RNF166: variants seen among roughly 807,000 people sequenced by gnomAD.
RNF166 encodes ring finger protein 166, also known as E3 ubiquitin-protein ligase RNF166.
A neutral mutation model predicts 29.4 loss-of-function variants in RNF166; 19 were observed. The ratio of observed to expected loss-of-function variants is 0.65; its 90% CI spans 0.45 to 0.95. The LOEUF (loss-of-function observed/expected upper bound fraction) is 0.95, where lower values mean the gene tolerates loss of function less well. Among genes scored for constraint, RNF166 ranks in the 40% least tolerant of loss-of-function variants. The probability of loss-of-function intolerance (pLI) is 0.00; values close to 1 mark genes in which losing one functional copy is unlikely to be tolerated. For synonymous variants in RNF166, 171 were observed against 134.5 expected (o/e 1.27, Z -1.88); for missense variants, 347 against 322.1 (o/e 1.08, Z -0.59).
chr16:88,699,437 G>A (rs930355121), intron 3 of RNF166, among the ~76,000 whole-genome samples, 183 bp downstream of exon 3: 1 of 152,256 alleles, frequency 6.6e-6, no homozygotes, highest in Non-Finnish European at 1.5e-5. Context: ...GGGGCCTGGT[G>A]GGTATGCCAG....
intron 1 of RNF166, chr16:88,703,337 G>A (rs531432851): frequency 6.1e-6 from 6 of 985,376 alleles, no homozygotes; most frequent in African/African-American, 5.2e-5. Flanking sequence ...CCAGGCCGGG[G>A]CTCGGCTGCA....
Position 88,698,065 on chromosome 16 carries a change from G to T in RNF166, c.649-432C>A. On this transcript the variant is annotated intron_variant, in intron 5 of 5. Coordinates refer to ENST00000312838, the MANE Select transcript of RNF166 (RefSeq NM_178841.4). ...GGCGGCGCAGGGAGGGGCCGCACCAGGAGTGAGGAGTTTGTGCGAGGGTCT... is the reference window on the plus strand; with the variant it reads ...GGCGGCGCAGGGAGGGGCCGCACCATGAGTGAGGAGTTTGTGCGAGGGTCT... 3 of 563,330 alleles carry T rather than the reference G, an allele frequency of 5.3e-6. No individual in the cohort carries two copies. In the South Asian group the frequency reaches 6.3e-5, roughly 12 times the overall value. The allele number at this position is 563,330 out of a possible 1,614,324, so 34.9% of individuals were successfully genotyped here.
intron 3 of RNF166, among the ~76,000 whole-genome samples, chr16:88,699,303 G>C (rs937707438): frequency 6.6e-6 from 1 of 152,266 alleles, no homozygotes; most frequent in African/African-American, 2.4e-5. Flanking sequence ...CCAAACGGCA[G>C]AGACTCTGCT....
chr16:88,703,842 T>G, intron 1 of RNF166: 1 of 985,438 alleles, frequency 1.0e-6, no homozygotes, highest in Non-Finnish European at 1.2e-6. Context: ...GGACGGCCCG[T>G]GCCTCAGGGA....
chr16:88,698,121 C>T, intron 5 of RNF166: 1 of 589,258 alleles, frequency 1.7e-6, no homozygotes, highest in Non-Finnish European at 3.0e-6. Flanking sequence ...TGTGCCTGAC[C>T]CGCGGCGGGT....
chr16:88,703,513 C>A (rs1185346119), intron 1 of RNF166: 24 of 985,294 alleles, frequency 2.4e-5, no homozygotes, highest in Non-Finnish European at 2.9e-5. Flanking sequence ...GGCGGCTGGG[C>A]CCGAGGAGCA....
intron 2 of RNF166, chr16:88,700,532 C>T (rs11649140): frequency 0.21 from 187,830 of 913,696 alleles, 19,709 homozygotes; most frequent in Middle Eastern, 0.28. Flanking sequence ...GACAAACCAC[C>T]GAGGGGCCAC....
intron 1 of RNF166, among the ~76,000 whole-genome samples, chr16:88,705,013 A>G (rs1910634065): frequency 6.6e-6 from 1 of 152,194 alleles, no homozygotes; most frequent in Admixed American, 6.5e-5. Flanking sequence ...TCCCGTTCAG[A>G]GGCTGCCCCC....
intron 4 of RNF166, 117 bp from the exon 5 acceptor site, chr16:88,698,726 C>G (rs1393478298): frequency 5.0e-6 from 4 of 794,506 alleles, no homozygotes; most frequent in Non-Finnish European, 7.9e-6. Context: ...GGAAGGCACC[C>G]CAGACCTGGA....
At chr16:88,700,085 G>C (rs1166380597) in intron 2 of RNF166, 3 of 174,952 alleles carry the variant, frequency 1.7e-5, no homozygotes, top group African/African-American at 4.8e-5. Flanking sequence ...CCCCAGGCTG[G>C]GGACAGACGC....
chr16:88,705,992 C>T (rs939633123), intron 1 of RNF166, among the ~76,000 whole-genome samples, 179 bp downstream of exon 1: 1 of 151,988 alleles, frequency 6.6e-6, no homozygotes, highest in African/African-American at 2.4e-5. Context: ...GATGAACGCG[C>T]CCAGAGGGCA....
At position 88,698,327 on chromosome 16, in the gene RNF166, AC is replaced by A. The variant is rs1174137195; in HGVS notation, c.648+174del. ...TGGCCACTCAAACTCAGCTGCCATC[AC>A]TCCCCACCTGCAGGCAGCCCCCACA... On this transcript the variant is annotated intron_variant, in intron 5 of 5. Coordinates refer to ENST00000312838, the MANE Select transcript of RNF166 (RefSeq NM_178841.4). 4.2e-6 allele frequency: 3 copies of A among 711,960 alleles called. No individual in the cohort carries two copies. The African/African-American group carries it at 5.3e-5, about 12-fold the overall frequency. 44.1% of individuals were successfully genotyped at this position (711,960 alleles called of 1,614,324 possible). A position where few individuals can be genotyped will look rare whatever the true frequency, so the allele number is the denominator to read the frequency against.
intron 1 of RNF166, chr16:88,703,928 C>T: frequency 1.0e-6 from 1 of 985,468 alleles, no homozygotes; most frequent in Non-Finnish European, 1.2e-6. Flanking sequence ...CTCACACAGC[C>T]CTTCCAGGCA....
chr16:88,703,063 A>G (rs1339721605), intron 1 of RNF166: 6 of 985,528 alleles, frequency 6.1e-6, no homozygotes, highest in Non-Finnish European at 6.0e-6. Flanking sequence ...CCCACCACGC[A>G]CCGGAAGGCC....
intron 5 of RNF166, 121 bp from the exon 6 acceptor site, chr16:88,697,754 G>A: frequency 2.8e-6 from 2 of 725,356 alleles, no homozygotes; most frequent in Non-Finnish European, 4.8e-6. Context: ...GACACAGGAA[G>A]GACCCAGCTC....
chr16:88,699,562 C>G, intron 3 of RNF166, 58 bp downstream of exon 3: 1 of 1,406,868 alleles, frequency 7.1e-7, no homozygotes, highest in Non-Finnish European at 9.8e-7. Context: ...TGCGCTTGCT[C>G]CCAGAACGAG....
At position 88,697,881 on chromosome 16, in the gene RNF166, G is replaced by A. The variant is rs1597400696; in HGVS notation, c.649-248C>T. ...GAATGGATGGCTGCTGGTTCAGGTC[G>A]GACTCTAAGCCCGGGGTTTCCGAGG... On this transcript the variant is annotated intron_variant, in intron 5 of 5. Coordinates refer to ENST00000312838, the MANE Select transcript of RNF166 (RefSeq NM_178841.4). The A allele has an allele frequency of 7.9e-6, 4 of 503,510 alleles. No homozygotes were observed. In the East Asian group the frequency reaches 1.0e-4, roughly 13 times the overall value. The allele number at this position is 503,510 out of a possible 1,614,324, so 31.2% of individuals were successfully genotyped here. A position where few individuals can be genotyped will look rare whatever the true frequency, so the allele number is the denominator to read the frequency against.
At position 88,696,807 on chromosome 16, in the gene RNF166, A is replaced by G. The variant is rs1300353880; in HGVS notation, c.*761T>C. On this transcript the variant is annotated 3_prime_UTR_variant, in exon 6 of 6. Transcript: ENST00000312838. Reference sequence around the variant, plus strand: ...TGGGATTTCTTCCTGGTCATCAAAGAGAAACGTACAAACCTCAAGGACCCA... The same window carrying G: ...TGGGATTTCTTCCTGGTCATCAAAGGGAAACGTACAAACCTCAAGGACCCA... 2.8e-6 allele frequency: 1 copy of G among 351,184 alleles called. No homozygotes were observed. Among genetic ancestry groups the G allele is most frequent in the African/African-American group, 2.2e-5 (1 of 46,426 alleles). The allele number at this position is 351,184 out of a possible 1,614,324, so 21.8% of individuals were successfully genotyped here. A position where few individuals can be genotyped will look rare whatever the true frequency, so the allele number is the denominator to read the frequency against.
rs1420576098 is a variant in RNF166 at position 88,700,773 on chromosome 16, C to T, written c.312+489G>A. The T allele has an allele frequency of 1.1e-5, 11 of 1,001,362 alleles. No individual in the cohort carries two copies. The South Asian group carries it at 3.9e-4, about 36-fold the overall frequency. 62.0% of individuals were successfully genotyped at this position (1,001,362 alleles called of 1,614,324 possible). On this transcript the variant is annotated intron_variant, in intron 2 of 5. Transcript: ENST00000312838. ...GGCCAATGAGGCCCATGACAAGCTG[C>T]AGGCCCTTACGCTGCTCTGATGTGG...
Sources: gnomAD v4.1 joint callset for allele counts (sites outside exome capture counted in the v4.1 genomes callset) on GRCh38, gnomAD v4.1.1 for gene constraint, MANE v1.5 for transcripts, NCBI Gene and HGNC (gene_info 2026-07-23, HGNC 2026-07-21) for gene names.